The following BUB3 variants were observed in gnomAD, a reference collection of about 807,000 sequenced individuals.
The protein encoded by BUB3 is BUB3 mitotic checkpoint protein, also known as mitotic checkpoint protein BUB3.
A neutral mutation model predicts 39.9 loss-of-function variants in BUB3; 22 were observed. The observed-to-expected ratio is 0.55, with a 90% CI of 0.39 to 0.79. The LOEUF (loss-of-function observed/expected upper bound fraction) is 0.79. BUB3 is among the 30% of genes least tolerant of loss of function. The probability of loss-of-function intolerance (pLI) is 0.00; values close to 1 mark genes in which losing one functional copy is unlikely to be tolerated. For synonymous variants in BUB3, 168 were observed against 155.1 expected, an observed-to-expected ratio of 1.08 and a Z score of -0.62; for missense variants, 303 against 415.4, an observed-to-expected ratio of 0.73 and a Z score of 2.35.
In BUB3 at chr10:123,165,019, C is replaced by G; in HGVS notation, c.*1184C>G. On this transcript the variant is annotated 3_prime_UTR_variant, in exon 8 of 8. Coordinates refer to ENST00000368865, the MANE Select transcript of BUB3 (RefSeq NM_004725.4). ...AAACTTGGTGTAAGTCTGAACCCAT[C>G]TTTTGAAATGTATTTTCTTCATTGC... 1 of 1,610,910 alleles carries G rather than the reference C, an allele frequency of 6.2e-7. No individual in the cohort carries two copies. Among genetic ancestry groups the G allele is most frequent in the Non-Finnish European group, 8.5e-7 (1 of 1,178,764 alleles).
chr10:123,161,577 A>G (rs551164019), intron 5 of BUB3, among the ~76,000 whole-genome samples: 1 of 152,246 alleles, frequency 6.6e-6, no homozygotes, highest in African/African-American at 2.4e-5. Context: ...ATTTCTTCAT[A>G]AACAGTTTTC....
Position 123,157,725 on chromosome 10 carries a change from A to C in BUB3, c.266-4A>C. The C allele has an allele frequency of 6.4e-7, 1 of 1,564,814 alleles. No homozygotes were observed. Among genetic ancestry groups the C allele is most frequent in the Non-Finnish European group, 8.7e-7 (1 of 1,154,984 alleles). On this transcript the variant is annotated splice_region_variant and splice_polypyrimidine_tract_variant and intron_variant, in intron 3 of 7. Coordinates refer to ENST00000368865, the MANE Select transcript of BUB3 (RefSeq NM_004725.4). ...GGTTTTTTCCCCTTTTTTTTTCTCT[A>C]TAGAAAATCTTGTTGGGACCCATGA...
Position 123,157,750 on chromosome 10 carries a change from A to G in BUB3, c.287A>G (p.Asp96Gly). ...ATAGAAAATCTTGTTGGGACCCATG[A>G]TGCCCCTATCAGATGTGTTGAATAC... ...TDQENLVGTHDAPIRCVEYCP... is the reference protein window; with the variant it reads ...TDQENLVGTHGAPIRCVEYCP... The change falls in exon 4 of 8, where the codon GAT becomes GGT. Residue 96 changes from aspartate to glycine, a missense_variant. This residue lies in a region of BUB3 where 121 missense variants were observed against 122.3 expected (regional missense o/e 0.99). Coordinates refer to ENST00000368865, the MANE Select transcript of BUB3 (RefSeq NM_004725.4). The G allele has an allele frequency of 3.1e-6, 5 of 1,604,232 alleles. No homozygotes were observed. Among genetic ancestry groups the G allele is most frequent in the Non-Finnish European group, 4.3e-6 (5 of 1,174,842 alleles).
Position 123,164,949 on chromosome 10 carries a change from T to A in BUB3, c.*1114T>A. ...ATCCGTGATGTATTTTTTTTAATTC[T>A]TTTGATACAGAGAAGGGTCTTTTTT... On this transcript the variant is annotated 3_prime_UTR_variant, in exon 8 of 8. Coordinates refer to ENST00000368865, the MANE Select transcript of BUB3 (RefSeq NM_004725.4). The A allele has an allele frequency of 6.6e-7, 1 of 1,512,050 alleles. No individual in the cohort carries two copies. 93.7% of individuals were successfully genotyped at this position (1,512,050 alleles called of 1,614,324 possible).
At position 123,168,989 on chromosome 10, in the gene BUB3, A is replaced by C. The variant is rs1038165915; in HGVS notation, c.*5154A>C. ...CCTAGAGCATCTGACGCCTGGATAC[A>C]AAAGAGCCTGTGGCTATGACTATCA... is the stretch of plus-strand genomic sequence containing the variant. On this transcript the variant is annotated 3_prime_UTR_variant, in exon 8 of 8. Coordinates refer to ENST00000368865, the MANE Select transcript of BUB3 (RefSeq NM_004725.4). 3 of 152,282 alleles carry C rather than the reference A, an allele frequency of 2.0e-5. No homozygotes were observed. The highest frequency in any genetic ancestry group is 6.5e-5 in the Admixed American group (1 of 15,280). The allele number at this position is 152,282 out of a possible 1,614,324, so 9.4% of individuals were successfully genotyped here. A position where few individuals can be genotyped will look rare whatever the true frequency, so the allele number is the denominator to read the frequency against.
Position 123,164,277 on chromosome 10 carries a change from T to A in BUB3, c.*442T>A. On this transcript the variant is annotated 3_prime_UTR_variant, in exon 8 of 8. Coordinates refer to ENST00000368865, the MANE Select transcript of BUB3 (RefSeq NM_004725.4). ...TCTAAAGCTGCTTCAGACTGCTTCA[T>A]GAGGAGGTTAATCTACAATTAAACA... is the stretch of plus-strand genomic sequence containing the variant. 6 of 987,246 alleles carry A rather than the reference T, an allele frequency of 6.1e-6. No individual in the cohort carries two copies. The highest frequency in any genetic ancestry group is 7.2e-6 in the Non-Finnish European group (6 of 831,302). The allele number at this position is 987,246 out of a possible 1,614,324, so 61.2% of individuals were successfully genotyped here.
rs2133575145 is a variant in BUB3, at chr10:123,169,044, T to G, written c.*5209T>G. ...TCTGGCCATGAGGAATTCCATGACA[T>G]GGAGGGAAAATGGCAACTTCAAATT... is the stretch of plus-strand genomic sequence containing the variant. On this transcript the variant is annotated 3_prime_UTR_variant, in exon 8 of 8. Coordinates refer to ENST00000368865, the MANE Select transcript of BUB3 (RefSeq NM_004725.4). 1 of 152,326 alleles carries G rather than the reference T, an allele frequency of 6.6e-6. No homozygotes were observed. The highest frequency in any genetic ancestry group is 1.9e-4 in the East Asian group (1 of 5,186). The allele number at this position is 152,326 out of a possible 1,614,324, so 9.4% of individuals were successfully genotyped here.
chr10:123,163,343 T>C (rs1844449260), intron 7 of BUB3: 1 of 164,172 alleles, frequency 6.1e-6, no homozygotes. Context: ...TCTTTGGTTC[T>C]TGGTTGTAAC....
chr10:123,155,176 G>A, intron 2 of BUB3, 64 bp downstream of exon 2: 3 of 1,541,428 alleles, frequency 1.9e-6, no homozygotes, highest in Non-Finnish European at 2.6e-6. Context: ...CGTGAGGAGC[G>A]TTTCTTTTCC....
chr10:123,156,978 C>T (rs767944568), intron 3 of BUB3, among the ~76,000 whole-genome samples: 9 of 152,106 alleles, frequency 5.9e-5, no homozygotes, highest in South Asian at 2.1e-4. Flanking sequence ...CTCCTGATCT[C>T]GTGATCCGCC....
rs1391799097 is a variant in BUB3 at position 123,162,218 on chromosome 10, C to G, written c.577-18C>G. On this transcript the variant is annotated intron_variant, in intron 5 of 7. Transcript: ENST00000368865. Reference sequence around the variant, plus strand: ...AGCTGGAATTTACCATTTTTTTCCTCTGGTTCTCTCTTGGCAGGGTTATGT... The same window carrying G: ...AGCTGGAATTTACCATTTTTTTCCTGTGGTTCTCTCTTGGCAGGGTTATGT... The G allele has an allele frequency of 1.3e-6, 2 of 1,587,454 alleles. No individual in the cohort carries two copies. Among genetic ancestry groups the G allele is most frequent in the Non-Finnish European group, 1.7e-6 (2 of 1,169,404 alleles).
rs1350514161 is a variant in BUB3, at chr10:123,164,304, T to G, written c.*469T>G. 1.0e-6 allele frequency: 1 copy of G among 986,180 alleles called. No individual in the cohort carries two copies. The highest frequency in any genetic ancestry group is 1.2e-6 in the Non-Finnish European group (1 of 830,524). 61.1% of individuals were successfully genotyped at this position (986,180 alleles called of 1,614,324 possible). A position where few individuals can be genotyped will look rare whatever the true frequency, so the allele number is the denominator to read the frequency against. On this transcript the variant is annotated 3_prime_UTR_variant, in exon 8 of 8. Coordinates refer to ENST00000368865, the MANE Select transcript of BUB3 (RefSeq NM_004725.4). ...AGGAGGTTAATCTACAATTAAACAA[T>G]ATTTCCTCTTGGCCGTCCATTATTT...
In BUB3 at chr10:123,168,021, G is replaced by A. The variant is rs1436867225; in HGVS notation, c.*4186G>A. 6.6e-6 allele frequency: 1 copy of A among 151,378 alleles called. No homozygotes were observed. The highest frequency in any genetic ancestry group is 1.5e-5 in the Non-Finnish European group (1 of 67,928). The allele number at this position is 151,378 out of a possible 1,614,324, so 9.4% of individuals were successfully genotyped here. A position where few individuals can be genotyped will look rare whatever the true frequency, so the allele number is the denominator to read the frequency against. On this transcript the variant is annotated 3_prime_UTR_variant, in exon 8 of 8. Coordinates refer to ENST00000368865, the MANE Select transcript of BUB3 (RefSeq NM_004725.4). ...TCGCTATACTGCCCAGGCAGGTCTC[G>A]AACTCCTGGGCTCAAGCTATCCTCC...
intron 4 of BUB3, 72 bp from the exon 5 acceptor site, chr10:123,160,335 C>G: frequency 7.2e-7 from 1 of 1,386,796 alleles, no homozygotes; most frequent in Non-Finnish European, 9.6e-7. Flanking sequence ...ATCAGATGGA[C>G]TTTATTTTGG....
Position 123,155,701 on chromosome 10 carries a change from A to G in BUB3, c.239A>G (p.Lys80Arg). Residue 80 changes from lysine to arginine, a missense_variant, in exon 3 of 8, where the codon AAA becomes AGA. By Grantham distance (26) the Lys-to-Arg change is conservative. Around this residue, in one of 2 missense-constraint regions of BUB3, gnomAD observed 121 missense variants for 122.3 expected, o/e 0.99. Transcript: ENST00000368865. Reference sequence around the variant, plus strand: ...AGTGGAGGACTAGATCATCAATTGAAAATGCATGATTTGAACACTGATCAA... The same window carrying G: ...AGTGGAGGACTAGATCATCAATTGAGAATGCATGATTTGAACACTGATCAA... ...AWSGGLDHQL[K>R]MHDLNTDQEN... 1 of 1,614,146 alleles carries G rather than the reference A, an allele frequency of 6.2e-7. No individual in the cohort carries two copies. Among genetic ancestry groups the G allele is most frequent in the African/African-American group, 1.3e-5 (1 of 75,068 alleles).
In BUB3 at chr10:123,167,697, C is replaced by T. The variant is rs1377998260; in HGVS notation, c.*3862C>T. 6.6e-6 allele frequency: 1 copy of T among 152,112 alleles called. No homozygotes were observed. The highest frequency in any genetic ancestry group is 1.5e-5 in the Non-Finnish European group (1 of 68,018). The allele number at this position is 152,112 out of a possible 1,614,324, so 9.4% of individuals were successfully genotyped here. ...TAGTGTCTTAGAAGTGATATGTTTA[C>T]TGCAGAAAAATTTGGATAGCATGCA... On this transcript the variant is annotated 3_prime_UTR_variant, in exon 8 of 8. Coordinates refer to ENST00000368865, the MANE Select transcript of BUB3 (RefSeq NM_004725.4).
chr10:123,155,619 A>G (rs376887995), intron 2 of BUB3, 39 bp from the exon 3 acceptor site: 2 of 1,582,108 alleles, frequency 1.3e-6, no homozygotes, highest in African/African-American at 2.7e-5. Flanking sequence ...AACCCTTTCA[A>G]AAGTTCTAGT....
rs548697474 is a variant in BUB3 at position 123,168,278 on chromosome 10, T to C, written c.*4443T>C. ...TATCCATCCTTCAGGATTTTCTGTA[T>C]ATTTCTCTAACAGCAAAAGTTTTTG... On this transcript the variant is annotated 3_prime_UTR_variant, in exon 8 of 8. Coordinates refer to ENST00000368865, the MANE Select transcript of BUB3 (RefSeq NM_004725.4). 1 of 152,364 alleles carries C rather than the reference T, an allele frequency of 6.6e-6. No individual in the cohort carries two copies. The highest frequency in any genetic ancestry group is 2.1e-4 in the South Asian group (1 of 4,830). 9.4% of individuals were successfully genotyped at this position (152,364 alleles called of 1,614,324 possible).
chr10:123,155,258 G>A, intron 2 of BUB3, 146 bp downstream of exon 2: 1 of 941,044 alleles, frequency 1.1e-6, no homozygotes, highest in Non-Finnish European at 1.5e-6. Flanking sequence ...CATCTGCCTT[G>A]AACCTGTACC....
Sources: gnomAD v4.1 joint callset for allele counts (sites outside exome capture counted in the v4.1 genomes callset) on GRCh38, gnomAD v4.1.1 for gene constraint, gnomAD v4.1.1 regional missense constraint, MANE v1.5 for transcripts, NCBI Gene and HGNC (gene_info 2026-07-23, HGNC 2026-07-21) for gene names.